ACER1: variants seen among roughly 807,000 people sequenced by gnomAD.
The protein encoded by ACER1 is CTB-180A7.3.
In ACER1, 28 loss-of-function variants were observed where a neutral mutation model predicts 24.9. The observed-to-expected ratio is 1.13, with a 90% CI of 0.83 to 1.54. ACER1 has a LOEUF of 1.54. ACER1 is among the 40% of genes most tolerant of loss of function. The probability of loss-of-function intolerance (pLI) is 0.00; values close to 1 mark genes in which losing one functional copy is unlikely to be tolerated. For missense variants in ACER1, 352 were observed against 349.3 expected (o/e 1.01, Z -0.06); for synonymous variants, 132 against 131.4 (o/e 1.00, Z -0.03).
the ACER1 span, among the ~76,000 whole-genome samples, chr19:6,357,130 T>C: frequency 2.0e-5 from 3 of 150,904 alleles, no homozygotes; most frequent in Non-Finnish European, 2.9e-5. Flanking sequence ...CTGCAACTTC[T>C]GCCTCCCGGG....
At chr19:6,353,619 A>C in the ACER1 span, among the ~76,000 whole-genome samples, 1 of 152,018 alleles carries the variant, frequency 6.6e-6, no homozygotes, top group Non-Finnish European at 1.5e-5. Flanking sequence ...TGAGGTCAGG[A>C]GTTCAAGACC....
chr19:6,339,069 G>T, the ACER1 span, among the ~76,000 whole-genome samples: 2 of 149,536 alleles, frequency 1.3e-5, no homozygotes, highest in African/African-American at 2.5e-5. Flanking sequence ...TAGAGATGGG[G>T]TTTCAGCATG....
At position 6,333,498 on chromosome 19, in the gene ACER1, G is replaced by T. The variant is rs2091699444; in HGVS notation, c.54C>A (p.Asn18Lys). ...CGGCCACCAGCTCCGAGTACTGGAA[G>T]TTGCTCTCACACCAGTCCACCTCGG... is the stretch of plus-strand genomic sequence containing the variant. ...QSSEVDWCES[N>K]FQYSELVAEF... is the part of the protein sequence containing the mutation. The change falls in exon 1 of 6, where the codon AAC (asparagine) becomes AAA (lysine). Residue 18 changes from asparagine (N) to lysine (K), a missense_variant. Physicochemically the swap from Asn to Lys is moderately conservative, Grantham distance 94. Coordinates refer to ENST00000301452, the MANE Select transcript of ACER1 (RefSeq NM_133492.3). The T allele has an allele frequency of 6.3e-7, 1 of 1,594,148 alleles. No individual in the cohort carries two copies. The highest frequency in any genetic ancestry group is 1.7e-5 in the Admixed American group (1 of 57,278).
At chr19:6,319,029 G>A (rs2091617481) in intron 1 of ACER1, among the ~76,000 whole-genome samples, 1 of 151,908 alleles carries the variant, frequency 6.6e-6, no homozygotes. Flanking sequence ...CCATGCACAA[G>A]ATGAGGCATT....
At chr19:6,347,109 A>AAAAAAAAAAAAAAAAAAAATATATATAT in the ACER1 span, among the ~76,000 whole-genome samples, 2 of 113,822 alleles carry the variant, frequency 1.8e-5, no homozygotes, top group African/African-American at 1.0e-4. Flanking sequence ...AAAAAAAAAA[A>AAAAAAAAAAAAAAAAAAAATATATATAT]ATATATATAT....
At chr19:6,334,239 T>C (rs1353221880), upstream of ACER1, among the ~76,000 whole-genome samples, 2 of 151,674 alleles carry the variant, frequency 1.3e-5, no homozygotes, top group Non-Finnish European at 2.9e-5. Context: ...AGAGATGGAG[T>C]TTCACTGTGT....
chr19:6,319,074 C>CA (rs535349027), intron 1 of ACER1, among the ~76,000 whole-genome samples: 2 of 151,902 alleles, frequency 1.3e-5, no homozygotes, highest in East Asian at 3.9e-4. Context: ...GGTATGAGCT[C>CA]AAAAAATAGC....
chr19:6,342,201 T>C, the ACER1 span, among the ~76,000 whole-genome samples: 2 of 151,654 alleles, frequency 1.3e-5, no homozygotes, highest in Non-Finnish European at 2.9e-5. Context: ...ATTGTGTCCA[T>C]ATTTATTTTC....
chr19:6,317,157 A>G (rs976338387), intron 1 of ACER1, among the ~76,000 whole-genome samples: 5 of 151,824 alleles, frequency 3.3e-5, no homozygotes, highest in African/African-American at 1.2e-4. Flanking sequence ...TATTTTTAGT[A>G]GAGACGGGGT....
At chr19:6,331,563 G>A (rs148153183) in intron 1 of ACER1, among the ~76,000 whole-genome samples, 4,447 of 151,724 alleles carry the variant, frequency 0.029, 223 homozygotes, top group African/African-American at 0.1. Context: ...GGAGGCTGAG[G>A]TGGGCGGATC....
chr19:6,322,509 G>A (rs2091635900), intron 1 of ACER1, among the ~76,000 whole-genome samples: 2 of 152,132 alleles, frequency 1.3e-5, no homozygotes, highest in African/African-American at 4.8e-5. Context: ...ACCCAACCCT[G>A]GGTGCCCTTT....
upstream of ACER1, among the ~76,000 whole-genome samples, chr19:6,336,350 G>C (rs541857866): frequency 1.3e-5 from 2 of 152,270 alleles, no homozygotes; most frequent in East Asian, 3.9e-4. Flanking sequence ...CTAAAGCCCA[G>C]AGAAGTTAAG....
chr19:6,325,405 C>T (rs2091656250), intron 1 of ACER1, among the ~76,000 whole-genome samples: 1 of 152,222 alleles, frequency 6.6e-6, no homozygotes, highest in African/African-American at 2.4e-5. Context: ...GTTATCCCAG[C>T]ACTTTGGGAG....
At chr19:6,313,035 T>C (rs2145000318) in intron 1 of ACER1, among the ~76,000 whole-genome samples, 1 of 152,282 alleles carries the variant, frequency 6.6e-6, no homozygotes, top group East Asian at 1.9e-4. Context: ...TCTCGATCCG[T>C]TATTGGTTCA....
chr19:6,314,276 C>T (rs1021828189), intron 1 of ACER1, among the ~76,000 whole-genome samples: 1 of 151,578 alleles, frequency 6.6e-6, no homozygotes, highest in African/African-American at 2.4e-5. Context: ...TTGAAACCAG[C>T]CAGGGCAACA....
chr19:6,306,395 G>T lies in ACER1; in HGVS notation c.*319C>A. ...ACATCCTTCAGTCACCCCAGTACCT[G>T]GTGACACAGTCCCACCAGCTCATGT... On this transcript the variant is annotated 3_prime_UTR_variant, in exon 6 of 6. Coordinates refer to ENST00000301452, the MANE Select transcript of ACER1 (RefSeq NM_133492.3). The T allele has an allele frequency of 3.7e-6, 1 of 273,838 alleles. No individual in the cohort carries two copies. The highest frequency in any genetic ancestry group is 7.1e-6 in the Non-Finnish European group (1 of 141,522). 17.0% of individuals were successfully genotyped at this position (273,838 alleles called of 1,614,324 possible). A position where few individuals can be genotyped will look rare whatever the true frequency, so the allele number is the denominator to read the frequency against.
At chr19:6,341,450 A>AG in the ACER1 span, among the ~76,000 whole-genome samples, 8,305 of 150,308 alleles carry the variant, frequency 0.055, 386 homozygotes, top group African/African-American at 0.13. Flanking sequence ...GCTTGAGCCT[A>AG]AAGGTCGAAG....
the ACER1 span, among the ~76,000 whole-genome samples, chr19:6,353,795 G>A: frequency 1.3e-5 from 2 of 150,786 alleles, no homozygotes; most frequent in Non-Finnish European, 1.5e-5. Context: ...ATTGCACTCC[G>A]GCCTAGGCAA....
At chr19:6,343,675 T>G in the ACER1 span, 1 of 152,696 alleles carries the variant, frequency 6.5e-6, no homozygotes, top group South Asian at 2.0e-4. Flanking sequence ...CAACATGGCT[T>G]TGGTGTACCT....
Sources: allele counts gnomAD v4.1 joint callset (sites outside exome capture counted in the v4.1 genomes callset), GRCh38; gene constraint gnomAD v4.1.1; transcripts MANE v1.5; gene names NCBI Gene and HGNC (gene_info 2026-07-23, HGNC 2026-07-21).